The following FBXO31 variants were observed in gnomAD, a reference collection of about 807,000 sequenced individuals.
The protein encoded by FBXO31 is F-box only protein 31.
In FBXO31, 24 loss-of-function variants were observed where a neutral mutation model predicts 54.4. That is an observed-to-expected ratio of 0.44 (90% confidence interval 0.32 to 0.62). FBXO31 has a LOEUF of 0.62. FBXO31 is among the 20% of genes least tolerant of loss of function. FBXO31 has a pLI of 0.05. For synonymous variants in FBXO31, 388 were observed against 335.6 expected, an observed-to-expected ratio of 1.16 and a Z score of -1.71; for missense variants, 665 against 787.1, an observed-to-expected ratio of 0.84 and a Z score of 1.86.
intron 4 of FBXO31, 137 bp from the exon 5 acceptor site, chr16:87,343,088 C>A: frequency 1.5e-6 from 1 of 661,170 alleles, no homozygotes; most frequent in South Asian, 2.0e-5. Context: ...AAGATGCGAC[C>A]AACGCGGTGC....
intron 1 of FBXO31, among the ~76,000 whole-genome samples, chr16:87,364,456 C>T (rs567859217): frequency 6.6e-6 from 1 of 152,206 alleles, no homozygotes; most frequent in African/African-American, 2.4e-5. Flanking sequence ...TGGGCCAGTT[C>T]GCGCCGACTC....
intron 7 of FBXO31, among the ~76,000 whole-genome samples, 189 bp from the exon 8 acceptor site, chr16:87,334,475 G>A (rs1417683893): frequency 1.3e-5 from 2 of 152,234 alleles, no homozygotes; most frequent in Non-Finnish European, 2.9e-5. Flanking sequence ...CAACACCTAT[G>A]AGTGCCCCTG....
rs75105531 is a variant in FBXO31, at chr16:87,333,876, G to A, written c.1397+10C>T. The A allele has an allele frequency of 1.3e-3, 2,108 of 1,588,300 alleles. 33 individuals carry two copies. In the East Asian group the frequency reaches 0.038, roughly 28 times the overall value. ...CCACCTTCAGGCCCCAGTACCCGCC[G>A]CATCCTTACCACATCCTGCAGGTTC... On this transcript the variant is annotated intron_variant, in intron 8 of 8. Coordinates refer to ENST00000311635, the MANE Select transcript of FBXO31 (RefSeq NM_024735.5).
intron 2 of FBXO31, among the ~76,000 whole-genome samples, chr16:87,349,747 A>T (rs865778314): frequency 2.9e-4 from 44 of 151,364 alleles, no homozygotes; most frequent in African/African-American, 7.5e-4. Flanking sequence ...CTATTTTTTT[A>T]AAATAAATTT....
At chr16:87,368,550 C>G (rs1337684487) in intron 1 of FBXO31, among the ~76,000 whole-genome samples, 1 of 152,166 alleles carries the variant, frequency 6.6e-6, no homozygotes, top group Non-Finnish European at 1.5e-5. Flanking sequence ...TACCCGCTTC[C>G]AGGCAACAGG....
intron 8 of FBXO31, among the ~76,000 whole-genome samples, chr16:87,333,481 T>C (rs1904934645): frequency 1.3e-5 from 2 of 151,268 alleles, no homozygotes; most frequent in African/African-American, 4.9e-5. Context: ...ACAGGGTGGG[T>C]GGGGAAGGGG....
At chr16:87,379,992 C>T (rs974955747) in intron 1 of FBXO31, among the ~76,000 whole-genome samples, 14 of 148,418 alleles carry the variant, frequency 9.4e-5, no homozygotes, top group African/African-American at 2.2e-4. Flanking sequence ...AGCGAGACTC[C>T]GCTCCAAAAG....
At chr16:87,366,175 A>T (rs1213701932) in intron 1 of FBXO31, among the ~76,000 whole-genome samples, 2 of 152,204 alleles carry the variant, frequency 1.3e-5, no homozygotes, top group African/African-American at 2.4e-5. Flanking sequence ...AAAGGATGTG[A>T]GTGAAAACTG....
upstream of FBXO31, chr16:87,384,029 T>C (rs937096622): frequency 1.1e-5 from 2 of 190,330 alleles, no homozygotes; most frequent in Non-Finnish European, 2.1e-5. Flanking sequence ...GACTGCCCCG[T>C]GTGAGGCTCG....
rs1289229529 is a variant in FBXO31, at chr16:87,365,009, A to AT, written c.341-4644_341-4643insA. Among the ~76,000 whole-genome samples, 16 of 63,126 alleles carry AT rather than the reference A, an allele frequency of 2.5e-4. No homozygotes were observed. In the South Asian group the frequency reaches 3.8e-3, roughly 15 times the overall value. The allele number at this position is 63,126 out of a possible 152,430, so 41.4% of individuals were successfully genotyped here. On this transcript the variant is annotated intron_variant, in intron 1 of 8. Transcript: ENST00000311635. ...GTGACAGAGCGAGACCCCGTCTCTT[A>AT]AATATATATATATATATATATATAT...
chr16:87,343,899 CT>C, intron 3 of FBXO31, 134 bp from the exon 4 acceptor site: 1 of 818,180 alleles, frequency 1.2e-6, no homozygotes, highest in Non-Finnish European at 1.9e-6. Context: ...CACGCCCACC[CT>C]CGAGGTGCCT....
In FBXO31 at chr16:87,334,251, C is replaced by T; in HGVS notation, c.1032G>A (p.Val344=). The T allele has an allele frequency of 6.2e-7, 1 of 1,605,252 alleles. No homozygotes were observed. Among genetic ancestry groups the T allele is most frequent in the Non-Finnish European group, 8.5e-7 (1 of 1,175,680 alleles). The stretch of plus-strand genomic sequence containing the variant: ...GGATCCGATGCCTCAGGTCGATCTC[C>T]ACTGTCTGCTGCCCAGCGGGGATGT... The part of the protein sequence containing the change: ...DPNIPAGQQT[V]EIDLRHRIQL... Residue 344 remains valine (V), a synonymous_variant, in exon 8 of 9, where the codon GTG becomes GTA. Coordinates refer to ENST00000311635, the MANE Select transcript of FBXO31 (RefSeq NM_024735.5).
At chr16:87,347,025 A>G in intron 3 of FBXO31, 149 bp downstream of exon 3, 1 of 741,926 alleles carries the variant, frequency 1.3e-6, no homozygotes, top group Admixed American at 2.0e-5. Context: ...TTGGCTCCTG[A>G]AAAGTGACAG....
intron 1 of FBXO31, among the ~76,000 whole-genome samples, chr16:87,362,989 C>A (rs1812555539): frequency 6.6e-6 from 1 of 152,214 alleles, no homozygotes; most frequent in South Asian, 2.1e-4. Context: ...GGATGAGGAG[C>A]TGACATGCAG....
At chr16:87,375,117 G>C (rs1466071711) in intron 1 of FBXO31, among the ~76,000 whole-genome samples, 1 of 152,092 alleles carries the variant, frequency 6.6e-6, no homozygotes, top group Non-Finnish European at 1.5e-5. Flanking sequence ...AGGAGATCAA[G>C]AACACGGTTA....
intron 1 of FBXO31, among the ~76,000 whole-genome samples, chr16:87,369,161 T>C (rs1044455267): frequency 3.3e-5 from 5 of 152,102 alleles, no homozygotes; most frequent in Admixed American, 6.6e-5. Context: ...ATATGTGAAG[T>C]GGCAATTTAG....
In FBXO31 at chr16:87,345,303, G is replaced by C. The variant is rs1418213333; in HGVS notation, c.490-1538C>G. On this transcript the variant is annotated intron_variant, in intron 3 of 8. Transcript: ENST00000311635. This position sits in a 1 kb window ranked among gnomAD's most constrained non-coding sequence, Gnocchi z 4.9. ...CGGGGCTTTCCGGAAAGTTCAAGAGGCTCCAGCAGGAGGGTGCGGGGAGGG... is the reference window on the plus strand; with the variant it reads ...CGGGGCTTTCCGGAAAGTTCAAGAGCCTCCAGCAGGAGGGTGCGGGGAGGG... 2.2e-5 allele frequency among the ~76,000 whole-genome samples: 3 copies of C among 137,608 alleles called. No individual in the cohort carries two copies. The South Asian group carries it at 7.7e-4, about 35-fold the overall frequency. 90.3% of individuals were successfully genotyped at this position (137,608 alleles called of 152,430 possible).
chr16:87,377,955 C>T lies in FBXO31; in HGVS notation c.340+5450G>A, dbSNP rs529162076. 5.7e-4 allele frequency among the ~76,000 whole-genome samples: 86 copies of T among 152,028 alleles called. 1 individual carries two copies. The South Asian group carries it at 6.0e-3, about 11-fold the overall frequency. On this transcript the variant is annotated intron_variant, in intron 1 of 8. Coordinates refer to ENST00000311635, the MANE Select transcript of FBXO31 (RefSeq NM_024735.5). ...GGCGGATCACCTGAGGTTGGGAGTT[C>T]GAGACCAGCCTGACCAACCTGGAGA...
chr16:87,333,527 G>A (rs1567612686), intron 8 of FBXO31, among the ~76,000 whole-genome samples: 2 of 152,368 alleles, frequency 1.3e-5, no homozygotes, highest in Admixed American at 6.5e-5. Flanking sequence ...CTGCTGGACA[G>A]TTTACATGAT....
Sources: allele counts gnomAD v4.1 joint callset (sites outside exome capture counted in the v4.1 genomes callset), GRCh38; gene constraint gnomAD v4.1.1; non-coding constraint Gnocchi (gnomAD v3.1); transcripts MANE v1.5; gene names NCBI Gene and HGNC (gene_info 2026-07-23, HGNC 2026-07-21).